The following COL4A2 variants were observed in gnomAD, a reference collection of about 807,000 sequenced individuals.
COL4A2 encodes collagen type IV alpha 2 chain.
Under a neutral mutation model 200.2 loss-of-function variants are expected in COL4A2, and 99 were observed. The ratio of observed to expected loss-of-function variants is 0.49; its 90% CI spans 0.42 to 0.58. The LOEUF (loss-of-function observed/expected upper bound fraction) is 0.58, where lower values mean the gene tolerates loss of function less well. COL4A2 is among the 20% of genes least tolerant of loss of function. COL4A2 has a pLI of 0.00. For missense variants in COL4A2, 1,950 were observed against 2,314.1 expected, an observed-to-expected ratio of 0.84 and a Z score of 3.23; for synonymous variants, 897 against 900.6, an observed-to-expected ratio of 1.00 and a Z score of 0.07.
intron 3 of COL4A2, among the ~76,000 whole-genome samples, chr13:110,314,681 G>A (rs1885086242): frequency 6.6e-6 from 1 of 152,194 alleles, no homozygotes; most frequent in Admixed American, 6.5e-5. Context: ...TTGTATCACA[G>A]TGTCGCTGCA....
chr13:110,425,644 C>T (rs765248497), intron 6 of COL4A2, among the ~76,000 whole-genome samples: 18 of 152,196 alleles, frequency 1.2e-4, no homozygotes, highest in Middle Eastern at 3.2e-3. Flanking sequence ...TCTGACCCAC[C>T]TCCCATCCGG....
intron 4 of COL4A2, among the ~76,000 whole-genome samples, chr13:110,385,452 G>GCAGTGTGTGGATAGGCTGTGGTTA (rs1878658941): frequency 3.7e-5 from 2 of 54,208 alleles, no homozygotes; most frequent in African/African-American, 7.4e-5. Flanking sequence ...GACCGTGGCT[G>GCAGTGTGTGGATAGGCTGTGGTTA]CAGTGTGTGG....
At chr13:110,466,979 A>C (rs2139505227) in intron 26 of COL4A2, 61 bp from the exon 27 acceptor site, 1 of 1,608,624 alleles carries the variant, frequency 6.2e-7, no homozygotes, top group East Asian at 2.2e-5. Flanking sequence ...GGGATCCCCA[A>C]GGCCGTGGGA....
Position 110,457,440 on chromosome 13 carries a change from G to A in COL4A2, c.1432+5G>A, listed in dbSNP as rs2139491044. ...GCGGACCAAAGGGGTGGAAAGGTAA[G>A]AACATCTGGGAGGGACGGGATGAGG... On this transcript the variant is annotated splice_donor_5th_base_variant and intron_variant, in intron 21 of 47. Coordinates refer to ENST00000360467, the MANE Select transcript of COL4A2 (RefSeq NM_001846.4). The A allele has an allele frequency of 6.4e-7, 1 of 1,553,768 alleles. No homozygotes were observed. Among genetic ancestry groups the A allele is most frequent in the Non-Finnish European group, 8.9e-7 (1 of 1,125,014 alleles).
chr13:110,489,050 C>A (rs192313975), intron 34 of COL4A2, among the ~76,000 whole-genome samples: 9 of 152,126 alleles, frequency 5.9e-5, no homozygotes, highest in Non-Finnish European at 1.3e-4. Flanking sequence ...GGCAACAGAG[C>A]AAGAGCCCAT....
intron 3 of COL4A2, among the ~76,000 whole-genome samples, chr13:110,315,644 C>T (rs1885111801): frequency 6.6e-6 from 1 of 152,210 alleles, no homozygotes; most frequent in Non-Finnish European, 1.5e-5. Context: ...GATCCGCCTA[C>T]CTCAGCCTCC....
chr13:110,394,503 T>A (rs1027286072), intron 4 of COL4A2, among the ~76,000 whole-genome samples: 3 of 152,210 alleles, frequency 2.0e-5, no homozygotes, highest in African/African-American at 7.2e-5. Context: ...CAGCCACAAA[T>A]CCAAACATGC....
intron 3 of COL4A2, among the ~76,000 whole-genome samples, chr13:110,333,029 G>C (rs1248927342): frequency 6.6e-6 from 1 of 152,206 alleles, no homozygotes; most frequent in East Asian, 1.9e-4. Flanking sequence ...CTTCTGGAGA[G>C]GGCAGAGGGT....
At chr13:110,480,026 T>C (rs1021973280) in intron 30 of COL4A2, among the ~76,000 whole-genome samples, 194 bp from the exon 31 acceptor site, 1 of 146,182 alleles carries the variant, frequency 6.8e-6, no homozygotes, top group Non-Finnish European at 1.5e-5. Context: ...AACCTCCAGA[T>C]ACAGACCTCT....
chr13:110,480,119 A>G, intron 30 of COL4A2, 101 bp from the exon 31 acceptor site: 1 of 1,278,560 alleles, frequency 7.8e-7, no homozygotes, highest in East Asian at 2.5e-5. Flanking sequence ...TTTCCTTCTA[A>G]GGAGCTTTTC....
chr13:110,346,172 AAAAG>A (rs1876692149), intron 3 of COL4A2, among the ~76,000 whole-genome samples: 1 of 152,160 alleles, frequency 6.6e-6, no homozygotes, highest in Admixed American at 6.5e-5. Flanking sequence ...AAAATACTTG[AAAAG>A]AAAGAGAACT....
At chr13:110,308,260 G>A (rs1884858779) in intron 3 of COL4A2, 137 bp downstream of exon 3, 3 of 955,414 alleles carry the variant, frequency 3.1e-6, no homozygotes, top group Non-Finnish European at 4.8e-6. Flanking sequence ...TGCCCACCAA[G>A]GTTCTGAGAA....
chr13:110,483,057 G>A (rs1293915149), intron 32 of COL4A2, among the ~76,000 whole-genome samples: 1 of 152,200 alleles, frequency 6.6e-6, no homozygotes, highest in African/African-American at 2.4e-5. Context: ...CCAGGTGGAA[G>A]GACATAACAC....
At chr13:110,452,383 C>T (rs7330061) in intron 20 of COL4A2, among the ~76,000 whole-genome samples, 1,808 of 152,304 alleles carry the variant, frequency 0.012, 35 homozygotes, top group African/African-American at 0.042. Context: ...AGGATGGTCT[C>T]GATCTCCTGA....
At chr13:110,458,082 G>C in intron 21 of COL4A2, 1 of 466,816 alleles carries the variant, frequency 2.1e-6, no homozygotes, top group South Asian at 1.6e-5. Context: ...AGCACTTCCT[G>C]GGACTTACCA....
intron 29 of COL4A2, among the ~76,000 whole-genome samples, chr13:110,476,491 C>T (rs1364940199): frequency 2.0e-4 from 30 of 152,230 alleles, no homozygotes; most frequent in East Asian, 1.9e-4. Context: ...TCAGACAGTG[C>T]GCAGTCAGCA....
intron 3 of COL4A2, among the ~76,000 whole-genome samples, chr13:110,325,698 G>A (rs1013871895): frequency 1.3e-5 from 2 of 152,124 alleles, no homozygotes; most frequent in Non-Finnish European, 2.9e-5. Context: ...CCTTCCCTTC[G>A]GGACACGGAA....
chr13:110,433,455 G>A (rs932080366), intron 11 of COL4A2, among the ~76,000 whole-genome samples: 1 of 152,204 alleles, frequency 6.6e-6, no homozygotes, highest in Non-Finnish European at 1.5e-5. Context: ...GGACTGTGGG[G>A]GACTCACACA....
chr13:110,416,199 A>G (rs1031622630), intron 4 of COL4A2, among the ~76,000 whole-genome samples: 3 of 152,336 alleles, frequency 2.0e-5, no homozygotes, highest in Non-Finnish European at 2.9e-5. Context: ...GCATTGACAC[A>G]TTGCATGTCA....
Sources: gnomAD v4.1 joint callset for allele counts (sites outside exome capture counted in the v4.1 genomes callset) on GRCh38, gnomAD v4.1.1 for gene constraint, MANE v1.5 for transcripts, NCBI Gene and HGNC (gene_info 2026-07-23, HGNC 2026-07-21) for gene names.